The following SLC25A26 variants were observed in gnomAD, a reference collection of about 807,000 sequenced individuals.
SLC25A26 encodes the protein solute carrier family 25 member 26.
A neutral mutation model predicts 37.8 loss-of-function variants in SLC25A26; 36 were observed. The observed-to-expected ratio is 0.95, with a 90% CI of 0.73 to 1.26. SLC25A26 has a LOEUF of 1.26. Ranked by LOEUF, SLC25A26 falls within the 50% of genes most tolerant of loss-of-function variation. The probability of loss-of-function intolerance (pLI) is 0.00; values close to 1 mark genes in which losing one functional copy is unlikely to be tolerated. For missense variants in SLC25A26, 390 were observed against 331.1 expected, an observed-to-expected ratio of 1.18 and a Z score of -1.38; for synonymous variants, 129 against 122.5, an observed-to-expected ratio of 1.05 and a Z score of -0.35.
chr3:66,230,760 G>A (rs555007115), intron 1 of SLC25A26, among the ~76,000 whole-genome samples: 8 of 139,938 alleles, frequency 5.7e-5, no homozygotes, highest in African/African-American at 1.6e-4. Flanking sequence ...AGCCGAGATC[G>A]TGCCATTGTA....
rs144069492 is a variant in SLC25A26, at chr3:66,137,645, C to T, written c.-354+3661C>T. On this transcript the variant is annotated intron_variant, in intron 1 of 10. Coordinates refer to the SLC25A26 transcript ENST00000676754. ...ACCAGCAGGAATGGCCTAAGACACT[C>T]ATAGAGTCATTGTGAGAAGGGAATA... 2.6e-5 allele frequency among the ~76,000 whole-genome samples: 4 copies of T among 152,268 alleles called. No individual in the cohort carries two copies. In the East Asian group the frequency reaches 5.8e-4, roughly 22 times the overall value.
intron 5 of SLC25A26, among the ~76,000 whole-genome samples, chr3:66,321,974 C>T (rs983418689): frequency 2.6e-5 from 4 of 152,104 alleles, no homozygotes; most frequent in African/African-American, 9.7e-5. Flanking sequence ...CCTCAGATAA[C>T]AGCATTAAGC....
intron 1 of SLC25A26, among the ~76,000 whole-genome samples, chr3:66,176,107 A>G (rs910743988): frequency 1.3e-5 from 2 of 152,290 alleles, no homozygotes; most frequent in Admixed American, 1.3e-4. Flanking sequence ...AATCTTTGAA[A>G]AAACACACCT....
intron 1 of SLC25A26, among the ~76,000 whole-genome samples, chr3:66,184,616 G>GCTCACCTTGAGTTTACTATGTATTACATC (rs2070787338): frequency 3.9e-5 from 6 of 152,194 alleles, no homozygotes; most frequent in Non-Finnish European, 7.3e-5. Flanking sequence ...TGTATTACAT[G>GCTCACCTTGAGTTTACTATGTATTACATC]CTCAACCAAA....
rs2070484512 is a variant in SLC25A26, at chr3:66,170,791, G to GTTGTT, written c.-354+36809_-354+36810insGTTTT. Among the ~76,000 whole-genome samples the GTTGTT allele has an allele frequency of 9.8e-5, 5 of 50,904 alleles. No homozygotes were observed. The East Asian group carries it at 3.2e-3, about 33-fold the overall frequency. 33.4% of individuals were successfully genotyped at this position (50,904 alleles called of 152,430 possible). A position where few individuals can be genotyped will look rare whatever the true frequency, so the allele number is the denominator to read the frequency against. On this transcript the variant is annotated intron_variant, in intron 1 of 10. Coordinates refer to the SLC25A26 transcript ENST00000676754. ...CAAACATTTAATAGATGTGATTATT[G>GTTGTT]TTTTTTTTTTTTTTTTTTTTTTTTT...
chr3:66,227,955 A>G (rs1309534899), intron 1 of SLC25A26, among the ~76,000 whole-genome samples: 4 of 152,160 alleles, frequency 2.6e-5, no homozygotes, highest in Admixed American at 2.6e-4. Flanking sequence ...GTGACCTCCT[A>G]GTTTTCAATT....
At chr3:66,201,496 G>A (rs1315315208) in intron 1 of SLC25A26, among the ~76,000 whole-genome samples, 2 of 151,944 alleles carry the variant, frequency 1.3e-5, no homozygotes, top group Non-Finnish European at 2.9e-5. Flanking sequence ...ACTATACCTG[G>A]CTAATTTTTT....
chr3:66,331,126 A>G (rs780484562), intron 5 of SLC25A26, among the ~76,000 whole-genome samples: 9 of 152,116 alleles, frequency 5.9e-5, no homozygotes, highest in Non-Finnish European at 8.8e-5. Context: ...GTACTATGCT[A>G]TATCTAAACT....
At chr3:66,245,932 A>G (rs1159258438) in intron 3 of SLC25A26, among the ~76,000 whole-genome samples, 5 of 152,088 alleles carry the variant, frequency 3.3e-5, no homozygotes, top group Non-Finnish European at 7.4e-5. Flanking sequence ...TCTCTCCCCA[A>G]AGGAAGCTCT....
intron 3 of SLC25A26, among the ~76,000 whole-genome samples, chr3:66,247,140 A>G (rs1474449348): frequency 6.6e-6 from 1 of 152,130 alleles, no homozygotes; most frequent in Non-Finnish European, 1.5e-5. Flanking sequence ...CTGGGATTAC[A>G]GGTGTCAGCC....
At chr3:66,277,140 A>T (rs1196827195) in intron 5 of SLC25A26, among the ~76,000 whole-genome samples, 2 of 152,114 alleles carry the variant, frequency 1.3e-5, no homozygotes, top group Non-Finnish European at 2.9e-5. Context: ...ACACACAAAA[A>T]AGATTACTAA....
chr3:66,300,886 G>GT (rs34045981), intron 5 of SLC25A26, among the ~76,000 whole-genome samples: 3 of 152,136 alleles, frequency 2.0e-5, no homozygotes, highest in African/African-American at 7.2e-5. Context: ...TATATGCAGA[G>GT]TTTTTTGTTT....
chr3:66,333,607 T>TC (rs2076026816), intron 5 of SLC25A26, among the ~76,000 whole-genome samples: 1 of 152,206 alleles, frequency 6.6e-6, no homozygotes, highest in Middle Eastern at 3.2e-3. Context: ...TTCTGGATGC[T>TC]CAGCCTCTTT....
chr3:66,161,201 T>G (rs1162802663), intron 1 of SLC25A26, among the ~76,000 whole-genome samples: 1 of 152,196 alleles, frequency 6.6e-6, no homozygotes, highest in Non-Finnish European at 1.5e-5. Context: ...TTGGACTTGT[T>G]TCTTGAAACT....
chr3:66,305,652 C>A (rs373191483), intron 5 of SLC25A26, among the ~76,000 whole-genome samples: 47 of 152,028 alleles, frequency 3.1e-4, no homozygotes, highest in African/African-American at 1.1e-3. Context: ...TGTGTTGTTT[C>A]CCTCCCTGTG....
rs570024897 is a variant in SLC25A26, at chr3:66,166,654, ACTGT to A, written c.-354+32673_-354+32676del. On this transcript the variant is annotated intron_variant, in intron 1 of 10. Coordinates refer to the SLC25A26 transcript ENST00000676754. The stretch of plus-strand genomic sequence containing the variant: ...GCAAAATAGGGCTAACCATATTGGC[ACTGT>A]CTATTTGTAGCTTTTGTCAGCTTAG... 1.2e-4 allele frequency among the ~76,000 whole-genome samples: 19 copies of A among 152,308 alleles called. 1 individual carries two copies. The East Asian group carries it at 3.7e-3, about 29-fold the overall frequency.
At chr3:66,281,155 A>G (rs12494398) in intron 5 of SLC25A26, among the ~76,000 whole-genome samples, 16,012 of 152,202 alleles carry the variant, frequency 0.11, 986 homozygotes, top group Admixed American at 0.21. Context: ...TGAGTTCCTT[A>G]TGATTAGACT....
intron 1 of SLC25A26, among the ~76,000 whole-genome samples, chr3:66,166,833 C>A (rs2070431527): frequency 6.6e-6 from 1 of 152,152 alleles, no homozygotes; most frequent in Admixed American, 6.5e-5. Context: ...TATCTCCACC[C>A]AAAACTCATC....
At chr3:66,375,155 G>C (rs1700573533) in intron 9 of SLC25A26, among the ~76,000 whole-genome samples, 1 of 152,214 alleles carries the variant, frequency 6.6e-6, no homozygotes, top group Admixed American at 6.5e-5. Flanking sequence ...ACCTAATCCA[G>C]AGCAAGGCAT....
Sources: allele counts gnomAD v4.1 joint callset (sites outside exome capture counted in the v4.1 genomes callset), GRCh38; gene constraint gnomAD v4.1.1; transcripts MANE v1.5; gene names NCBI Gene and HGNC (gene_info 2026-07-23, HGNC 2026-07-21).